Variants in AGBL4 observed in about 807,000 individuals in gnomAD.
The protein encoded by AGBL4 is cytosolic carboxypeptidase 6.
In AGBL4, 58 loss-of-function variants were observed where a neutral mutation model predicts 66.4. That is an observed-to-expected ratio of 0.87 (90% CI 0.71 to 1.09). The LOEUF (loss-of-function observed/expected upper bound fraction) is 1.09. Among genes scored for constraint, AGBL4 ranks in the 50% least tolerant of loss-of-function variants. AGBL4 has a pLI of 0.00. For missense variants in AGBL4, 579 were observed against 631.0 expected (o/e 0.92, Z 0.88); for synonymous variants, 234 against 222.9 (o/e 1.05, Z -0.44).
At chr1:49,925,537 A>G (rs1203850323) in intron 1 of AGBL4, among the ~76,000 whole-genome samples, 3 of 152,146 alleles carry the variant, frequency 2.0e-5, no homozygotes, top group Admixed American at 1.3e-4. Flanking sequence ...CTTGGGTGTC[A>G]GCTTGGCCAA....
chr1:48,674,520 C>T (rs1570214269), intron 6 of AGBL4, among the ~76,000 whole-genome samples: 1 of 64,540 alleles, frequency 1.5e-5, no homozygotes, highest in African/African-American at 5.0e-5. Flanking sequence ...GTGTTGGGCG[C>T]GTTGGGGCGG....
chr1:49,013,187 G>T (rs1662578707), intron 5 of AGBL4, among the ~76,000 whole-genome samples: 1 of 152,182 alleles, frequency 6.6e-6, no homozygotes, highest in African/African-American at 2.4e-5. Context: ...CAGTGAGCAT[G>T]ACAGCAAATA....
At chr1:49,131,900 A>G (rs1645905555) in intron 4 of AGBL4, among the ~76,000 whole-genome samples, 2 of 152,124 alleles carry the variant, frequency 1.3e-5, no homozygotes, top group African/African-American at 4.8e-5. Context: ...TGGAGTGCCT[A>G]TAATACATCA....
At chr1:49,687,442 G>A (rs1646807133) in intron 3 of AGBL4, among the ~76,000 whole-genome samples, 1 of 152,086 alleles carries the variant, frequency 6.6e-6, no homozygotes, top group African/African-American at 2.4e-5. Context: ...GAAACTTAAA[G>A]TTATCTCTGT....
At chr1:49,286,015 T>TCCCA (rs1456768578) in intron 3 of AGBL4, among the ~76,000 whole-genome samples, 1 of 152,184 alleles carries the variant, frequency 6.6e-6, no homozygotes, top group Non-Finnish European at 1.5e-5. Context: ...TTATCCACCA[T>TCCCA]GATCAAGTGG....
intron 3 of AGBL4, among the ~76,000 whole-genome samples, chr1:49,477,544 T>C (rs1429015056): frequency 6.6e-6 from 1 of 152,076 alleles, no homozygotes; most frequent in Non-Finnish European, 1.5e-5. Context: ...TGGATACAAC[T>C]TAAATCACAA....
intron 5 of AGBL4, among the ~76,000 whole-genome samples, chr1:48,942,978 C>A (rs1215716372): frequency 6.6e-6 from 1 of 152,218 alleles, no homozygotes; most frequent in Non-Finnish European, 1.5e-5. Context: ...CGGATTCACT[C>A]ATTTTAAGCA....
At chr1:49,418,917 C>T (rs1429232016) in intron 3 of AGBL4, among the ~76,000 whole-genome samples, 1 of 152,114 alleles carries the variant, frequency 6.6e-6, no homozygotes, top group Non-Finnish European at 1.5e-5. Flanking sequence ...GTTAAAATAT[C>T]ATTATGGCTT....
intron 3 of AGBL4, among the ~76,000 whole-genome samples, chr1:49,359,055 G>A (rs1644081174): frequency 6.6e-6 from 1 of 152,212 alleles, no homozygotes; most frequent in Non-Finnish European, 1.5e-5. Flanking sequence ...CACCATGTGT[G>A]CGTACATACA....
chr1:48,603,779 A>C (rs1442973121), intron 9 of AGBL4, among the ~76,000 whole-genome samples: 2 of 152,034 alleles, frequency 1.3e-5, no homozygotes. Context: ...AGTGAGAACT[A>C]ATTTAAAAAT....
intron 4 of AGBL4, among the ~76,000 whole-genome samples, chr1:49,227,821 G>A (rs1407018550): frequency 1.3e-5 from 2 of 152,176 alleles, no homozygotes; most frequent in African/African-American, 4.8e-5. Context: ...CATGGCTGCA[G>A]TGCCCTATTC....
In AGBL4 at chr1:49,829,068, C is replaced by CAA. The variant is rs536528061; in HGVS notation, c.157+22326_157+22327dup. Reference sequence around the variant, plus strand: ...TGGACGAAAGAGTGAGACTCCGTCTCAAAAAAAAAAAAAGAAAGAAAGAAA... The same window carrying CAA: ...TGGACGAAAGAGTGAGACTCCGTCTCAAAAAAAAAAAAAAAGAAAGAAAGAAA... On this transcript the variant is annotated intron_variant, in intron 2 of 13. Coordinates refer to ENST00000371839, the MANE Select transcript of AGBL4 (RefSeq NM_032785.4). 8.5e-3 allele frequency among the ~76,000 whole-genome samples: 796 copies of CAA among 93,518 alleles called. 7 individuals are homozygous for CAA. Among genetic ancestry groups the CAA allele is most frequent in the South Asian group, 0.02 (62 of 3,120 alleles). The allele number at this position is 93,518 out of a possible 152,430, so 61.4% of individuals were successfully genotyped here.
chr1:49,942,566 A>G (rs1210075299), intron 1 of AGBL4, among the ~76,000 whole-genome samples: 1 of 152,198 alleles, frequency 6.6e-6, no homozygotes, highest in African/African-American at 2.4e-5. Context: ...AAAGGTGTCA[A>G]GAACATACCA....
At chr1:49,225,085 C>A (rs934395887) in intron 4 of AGBL4, among the ~76,000 whole-genome samples, 2 of 152,088 alleles carry the variant, frequency 1.3e-5, no homozygotes, top group Admixed American at 6.6e-5. Context: ...TAAGAAGGGC[C>A]GTAAGACTCA....
chr1:49,825,316 C>G (rs1325315142), intron 2 of AGBL4, among the ~76,000 whole-genome samples: 1 of 152,132 alleles, frequency 6.6e-6, no homozygotes, highest in Non-Finnish European at 1.5e-5. Context: ...GAATAGGACA[C>G]AAGAAGAAGG....
chr1:48,666,201 G>T (rs1014695785), intron 6 of AGBL4, among the ~76,000 whole-genome samples: 3 of 152,126 alleles, frequency 2.0e-5, no homozygotes, highest in African/African-American at 7.2e-5. Flanking sequence ...TTAAGGTAAT[G>T]CAGCAGCTCT....
chr1:49,113,410 A>ATT (rs35466088), intron 4 of AGBL4, among the ~76,000 whole-genome samples: 1 of 149,606 alleles, frequency 6.7e-6, no homozygotes, highest in Admixed American at 6.7e-5. Flanking sequence ...ACACCAGGCT[A>ATT]TTTTTTTTTT....
intron 4 of AGBL4, among the ~76,000 whole-genome samples, chr1:49,100,144 G>C (rs879866296): frequency 6.6e-6 from 1 of 152,150 alleles, no homozygotes; most frequent in Admixed American, 6.5e-5. Flanking sequence ...TGCTGAAGGA[G>C]GAGAAAGAAG....
At chr1:49,708,633 A>T (rs746565494) in intron 2 of AGBL4, among the ~76,000 whole-genome samples, 3 of 152,080 alleles carry the variant, frequency 2.0e-5, no homozygotes, top group Admixed American at 6.6e-5. Context: ...GAGAGGAGAC[A>T]TTCAGTTTTT....
Sources: allele counts gnomAD v4.1 joint callset (sites outside exome capture counted in the v4.1 genomes callset), GRCh38; gene constraint gnomAD v4.1.1; transcripts MANE v1.5; gene names NCBI Gene and HGNC (gene_info 2026-07-23, HGNC 2026-07-21).